The following SYCP1 variants were observed in gnomAD, a reference collection of about 807,000 sequenced individuals.
The protein encoded by SYCP1 is cancer/testis antigen 8.
A neutral mutation model predicts 153.1 loss-of-function variants in SYCP1; 64 were observed. The observed-to-expected ratio is 0.42, with a 90% CI of 0.34 to 0.51. SYCP1 has a LOEUF of 0.51. Among genes scored for constraint, SYCP1 ranks in the 20% least tolerant of loss-of-function variants. SYCP1 has a pLI of 0.06. For missense variants in SYCP1, 997 were observed against 1,049.0 expected, an observed-to-expected ratio of 0.95 and a Z score of 0.68; for synonymous variants, 384 against 341.8, an observed-to-expected ratio of 1.12 and a Z score of -1.36.
At chr1:114,892,504 C>G (rs1666784402) in intron 15 of SYCP1, among the ~76,000 whole-genome samples, 1 of 152,122 alleles carries the variant, frequency 6.6e-6, no homozygotes, top group Non-Finnish European at 1.5e-5. Flanking sequence ...GCTAGTGGTT[C>G]TGGCTTCACC....
chr1:114,941,768 C>T (rs1670406761), intron 23 of SYCP1, among the ~76,000 whole-genome samples: 1 of 152,032 alleles, frequency 6.6e-6, no homozygotes, highest in African/African-American at 2.4e-5. Flanking sequence ...AACTTTATAG[C>T]ACAGACATAA....
chr1:114,966,715 C>T (rs367745485), intron 27 of SYCP1, among the ~76,000 whole-genome samples: 5 of 149,034 alleles, frequency 3.4e-5, no homozygotes, highest in Middle Eastern at 3.4e-3. Context: ...GATGGAGTCT[C>T]GCTCTGCCAC....
Position 114,984,868 on chromosome 1 carries a change from G to A in SYCP1, c.2703G>A (p.Leu901=). The A allele has an allele frequency of 1.5e-6, 2 of 1,347,960 alleles. No individual in the cohort carries two copies. Among genetic ancestry groups the A allele is most frequent in the East Asian group, 2.6e-5 (1 of 38,190 alleles). 83.5% of individuals were successfully genotyped at this position (1,347,960 alleles called of 1,614,324 possible). A position where few individuals can be genotyped will look rare whatever the true frequency, so the allele number is the denominator to read the frequency against. Residue 901 remains leucine (L), a splice_region_variant and synonymous_variant, in exon 30 of 32, where the codon TTG becomes TTA. Transcript: ENST00000369522. ...ATAGTTCAGAAACTACTGATCTTTT[G>A]GTAAAAATTTTACAAATAATATTTA... is the stretch of plus-strand genomic sequence containing the variant. ...NSDSSETTDL[L]SMVSEEETLK...
intron 27 of SYCP1, among the ~76,000 whole-genome samples, chr1:114,956,689 T>G (rs1458929684): frequency 1.3e-5 from 2 of 152,198 alleles, no homozygotes; most frequent in Non-Finnish European, 2.9e-5. Context: ...TCCTTGGATC[T>G]TTCCCAGGCT....
intron 20 of SYCP1, among the ~76,000 whole-genome samples, chr1:114,919,351 T>A (rs182851106): frequency 1.3e-5 from 2 of 152,252 alleles, no homozygotes; most frequent in Non-Finnish European, 2.9e-5. Context: ...GTGGGATAAA[T>A]CTCACTTGGT....
At chr1:114,936,092 A>C (rs570052807) in intron 23 of SYCP1, among the ~76,000 whole-genome samples, 1 of 152,198 alleles carries the variant, frequency 6.6e-6, no homozygotes, top group Non-Finnish European at 1.5e-5. Context: ...TGGCCGAGAC[A>C]CAACAAAAAA....
chr1:114,917,208 A>G (rs549232038), intron 20 of SYCP1, among the ~76,000 whole-genome samples: 5 of 152,176 alleles, frequency 3.3e-5, no homozygotes, highest in Admixed American at 2.0e-4. Flanking sequence ...CAATTGTTGT[A>G]ACTTTAGCTC....
chr1:114,925,672 A>G (rs1669206235), intron 21 of SYCP1, among the ~76,000 whole-genome samples: 2 of 152,058 alleles, frequency 1.3e-5, no homozygotes, highest in Non-Finnish European at 2.9e-5. Context: ...ATCTCATTGG[A>G]TTGTTGCAAA....
In SYCP1 at chr1:114,981,433, T is replaced by C. The variant is rs1673146250; in HGVS notation, c.2480T>C (p.Val827Ala). 6 of 1,610,566 alleles carry C rather than the reference T, an allele frequency of 3.7e-6. No individual in the cohort carries two copies. The African/African-American group carries it at 4.0e-5, about 11-fold the overall frequency. Residue 827 changes from valine to alanine, a missense_variant, in exon 29 of 32, where the codon GTT becomes GCT. Physicochemically the swap from Val to Ala is moderately conservative, Grantham distance 64. Transcript: ENST00000369522. ...SQTVSRNFTS[V>A]DHGISKDKRD... ...ACTGTATCTCGAAATTTCACATCAGTTGATCATGGCATATCCAAAGATAAA... is the reference window on the plus strand; with the variant it reads ...ACTGTATCTCGAAATTTCACATCAGCTGATCATGGCATATCCAAAGATAAA...
intron 28 of SYCP1, 77 bp downstream of exon 28, chr1:114,977,693 A>G: frequency 1.1e-6 from 1 of 937,646 alleles, no homozygotes; most frequent in South Asian, 1.8e-5. Context: ...TTTTTTGTTT[A>G]TAAGTAGGAA....
At chr1:114,872,702 G>A (rs1485304568) in intron 8 of SYCP1, among the ~76,000 whole-genome samples, 1 of 152,022 alleles carries the variant, frequency 6.6e-6, no homozygotes, top group Non-Finnish European at 1.5e-5. Flanking sequence ...ATTCTGTTCT[G>A]TTCTTTCTAG....
intron 27 of SYCP1, among the ~76,000 whole-genome samples, chr1:114,964,217 G>A (rs191991688): frequency 2.0e-5 from 3 of 152,060 alleles, no homozygotes; most frequent in Admixed American, 6.6e-5. Flanking sequence ...TTTTGATGGG[G>A]TTGTTTGTTA....
In SYCP1 at chr1:114,976,845, A is replaced by G. The variant is rs566487885; in HGVS notation, c.2323-712A>G. ...GGTGTATGCAAGGTATTCAGTGAGG[A>G]TAGATACTGGCATAGACATCATGGG... is the stretch of plus-strand genomic sequence containing the variant. On this transcript the variant is annotated intron_variant, in intron 27 of 31. Coordinates refer to ENST00000369522, the MANE Select transcript of SYCP1 (RefSeq NM_003176.4). 5.5e-4 allele frequency among the ~76,000 whole-genome samples: 84 copies of G among 151,908 alleles called. 1 individual carries two copies. The highest frequency in any genetic ancestry group is 2.5e-4 in the Non-Finnish European group (17 of 67,768).
At chr1:114,878,366 T>G (rs1665685632) in intron 12 of SYCP1, among the ~76,000 whole-genome samples, 164 bp downstream of exon 12, 1 of 152,094 alleles carries the variant, frequency 6.6e-6, no homozygotes, top group Admixed American at 6.6e-5. Context: ...CCTGGGGAGC[T>G]TTTGTAAAAT....
At chr1:114,977,399 A>G (rs1048854899) in intron 27 of SYCP1, among the ~76,000 whole-genome samples, 158 bp from the exon 28 acceptor site, 4 of 151,764 alleles carry the variant, frequency 2.6e-5, no homozygotes, top group Admixed American at 2.0e-4. Flanking sequence ...CCTCTGTAGA[A>G]AGGAACTAAC....
intron 15 of SYCP1, among the ~76,000 whole-genome samples, chr1:114,894,376 G>A (rs1666922786): frequency 6.6e-6 from 1 of 152,144 alleles, no homozygotes; most frequent in Non-Finnish European, 1.5e-5. Context: ...CAGTGAGGAA[G>A]GACAATATTT....
intron 27 of SYCP1, among the ~76,000 whole-genome samples, chr1:114,963,300 C>T (rs1478673514): frequency 6.6e-6 from 1 of 152,142 alleles, no homozygotes. Context: ...TCCTGAGGAA[C>T]ACAAATTTTC....
intron 30 of SYCP1, among the ~76,000 whole-genome samples, chr1:114,992,426 A>G (rs1199321500): frequency 6.6e-6 from 1 of 151,738 alleles, no homozygotes; most frequent in Non-Finnish European, 1.5e-5. Context: ...AAAACAGCAT[A>G]GTACTTGTAT....
chr1:114,974,273 T>C (rs1672674821), intron 27 of SYCP1, among the ~76,000 whole-genome samples: 1 of 151,928 alleles, frequency 6.6e-6, no homozygotes, highest in African/African-American at 2.4e-5. Context: ...TAGATAATGC[T>C]GGCCAATATT....
Sources: gnomAD v4.1 joint callset for allele counts (sites outside exome capture counted in the v4.1 genomes callset) on GRCh38, gnomAD v4.1.1 for gene constraint, MANE v1.5 for transcripts, NCBI Gene and HGNC (gene_info 2026-07-23, HGNC 2026-07-21) for gene names.